Variants in UEVLD observed in about 807,000 individuals in gnomAD.
UEVLD encodes UEV and lactate/malate dehyrogenase domains.
In UEVLD, 47 loss-of-function variants were observed where a neutral mutation model predicts 58.6. The ratio of observed to expected loss-of-function variants is 0.80; its 90% confidence interval spans 0.63 to 1.02. UEVLD has a LOEUF of 1.02. UEVLD is among the 50% of genes least tolerant of loss of function. The pLI is 0.00. For synonymous variants in UEVLD, 197 were observed against 195.3 expected, an observed-to-expected ratio of 1.01 and a Z score of -0.07; for missense variants, 510 against 550.6, an observed-to-expected ratio of 0.93 and a Z score of 0.74.
At chr11:18,583,639 T>TATA (rs10638102) in intron 1 of UEVLD, among the ~76,000 whole-genome samples, 146,654 of 148,798 alleles carry the variant, frequency 0.99, 72,316 homozygotes, top group Middle Eastern at 1. Context: ...GAAGGAATCT[T>TATA]TATTAAGTCC....
chr11:18,557,522 A>G (rs1019550377), intron 7 of UEVLD, among the ~76,000 whole-genome samples: 1 of 151,666 alleles, frequency 6.6e-6, no homozygotes, highest in Non-Finnish European at 1.5e-5. Context: ...TTTTTAGTGC[A>G]ATGAATGTAA....
At position 18,529,969 on chromosome 11, in the gene UEVLD, A is replaced by G. The variant is rs1321348711; in HGVS notation, c.*2351T>C. The stretch of plus-strand genomic sequence containing the variant: ...CAAAGACTATTATTCATCTTCGAAT[A>G]GTCAAATTCTAACACAGTATTTGGA... On this transcript the variant is annotated 3_prime_UTR_variant, in exon 12 of 12. Coordinates refer to ENST00000396197, the MANE Select transcript of UEVLD (RefSeq NM_001040697.4). 1 of 152,258 alleles carries G rather than the reference A, an allele frequency of 6.6e-6. No individual in the cohort carries two copies. The highest frequency in any genetic ancestry group is 2.4e-5 in the African/African-American group (1 of 41,470). 9.4% of individuals were successfully genotyped at this position (152,258 alleles called of 1,614,324 possible).
chr11:18,554,380 C>T (rs923984854), intron 7 of UEVLD, among the ~76,000 whole-genome samples: 9 of 141,102 alleles, frequency 6.4e-5, no homozygotes, highest in African/African-American at 2.4e-4. Flanking sequence ...GCGTGAGCCA[C>T]TGTGCCTGGC....
intron 6 of UEVLD, among the ~76,000 whole-genome samples, chr11:18,561,512 G>A (rs1001331833): frequency 6.6e-6 from 1 of 151,452 alleles, no homozygotes; most frequent in Non-Finnish European, 1.5e-5. Context: ...TGGGAGAATC[G>A]CTTGAACCCG....
chr11:18,532,395 T>C lies in UEVLD; in HGVS notation c.1341A>G (p.Lys447=). ...GVSEVIKTTL[K]EDTVTEKLQS... is the part of the protein sequence containing the mutation. Reference sequence around the variant, plus strand: ...GGAGTTTCTCAGTAACTGTATCTTCTTTCAGTGTGGTTTTGATAACTTCAG... The same window carrying C: ...GGAGTTTCTCAGTAACTGTATCTTCCTTCAGTGTGGTTTTGATAACTTCAG... Residue 447 remains lysine, a synonymous_variant, in exon 12 of 12, where the codon AAA becomes AAG. Transcript: ENST00000396197. The C allele has an allele frequency of 6.2e-7, 1 of 1,612,236 alleles. No individual in the cohort carries two copies. The highest frequency in any genetic ancestry group is 8.5e-7 in the Non-Finnish European group (1 of 1,179,830).
chr11:18,570,551 G>C, intron 3 of UEVLD, 174 bp from the exon 4 acceptor site: 1 of 461,290 alleles, frequency 2.2e-6, no homozygotes, highest in South Asian at 5.1e-5. Context: ...TTTCAGACCA[G>C]CCTAGGCAAC....
rs911018616 is a variant in UEVLD, at chr11:18,566,453, T to C, written c.387A>G (p.Lys129=). 5.0e-6 allele frequency: 8 copies of C among 1,613,986 alleles called. No homozygotes were observed. In the Admixed American group the frequency reaches 6.7e-5, roughly 13 times the overall value. ...CCTCTTGAAACTTGGCAATCATTTC[T>C]TTAATTAATCCAACAATGACAGATT... is the stretch of plus-strand genomic sequence containing the variant. ...HPKSVIVGLI[K]EMIAKFQEEL... is the part of the protein sequence containing the mutation. The change falls in exon 5 of 12, where the codon AAA becomes AAG. Residue 129 remains lysine, a synonymous_variant. Coordinates refer to ENST00000396197, the MANE Select transcript of UEVLD (RefSeq NM_001040697.4).
chr11:18,578,491 C>A (rs931890281), intron 2 of UEVLD, among the ~76,000 whole-genome samples: 31 of 152,126 alleles, frequency 2.0e-4, no homozygotes, highest in African/African-American at 7.5e-4. Flanking sequence ...ACACAGTAAA[C>A]GTGTGTTTTT....
chr11:18,557,763 C>T (rs1851821939), intron 7 of UEVLD, among the ~76,000 whole-genome samples: 1 of 151,934 alleles, frequency 6.6e-6, no homozygotes, highest in South Asian at 2.1e-4. Context: ...TAGCACTTTG[C>T]TATATACCAA....
intron 7 of UEVLD, among the ~76,000 whole-genome samples, chr11:18,553,862 C>T (rs1404957128): frequency 2.0e-5 from 3 of 152,072 alleles, no homozygotes; most frequent in African/African-American, 7.2e-5. Context: ...GGAGTAACTG[C>T]TCAATGTGTA....
intron 2 of UEVLD, among the ~76,000 whole-genome samples, chr11:18,578,029 G>A (rs544074064): frequency 1.4e-4 from 22 of 152,258 alleles, no homozygotes; most frequent in Middle Eastern, 3.4e-3. Context: ...CTTTAAAGAT[G>A]TCCATATCTA....
Position 18,566,428 on chromosome 11 carries a change from C to T in UEVLD, c.412G>A (p.Glu138Lys). ...IKEMIAKFQEELPMYSLSSSD... is the reference protein window; with the variant it reads ...IKEMIAKFQEKLPMYSLSSSD... ...GATGATAGAGAATACATGGGAAGTT[C>T]CTCTTGAAACTTGGCAATCATTTCT... Residue 138 changes from glutamate to lysine, a missense_variant, in exon 5 of 12, where the codon GAA becomes AAA. Coordinates refer to ENST00000396197, the MANE Select transcript of UEVLD (RefSeq NM_001040697.4). 1 of 1,614,046 alleles carries T rather than the reference C, an allele frequency of 6.2e-7. No homozygotes were observed. The highest frequency in any genetic ancestry group is 8.5e-7 in the Non-Finnish European group (1 of 1,179,988).
rs1853675985 is a variant in UEVLD, at chr11:18,588,105, T to TAC, written c.42+506_42+507dup. Among the ~76,000 whole-genome samples, 4 of 152,076 alleles carry TAC rather than the reference T, an allele frequency of 2.6e-5. No homozygotes were observed. The South Asian group carries it at 8.3e-4, about 32-fold the overall frequency. On this transcript the variant is annotated intron_variant, in intron 1 of 11. Transcript: ENST00000396197. ...AAACATAGTGGCTAGAGGAAGGGAATACAAAAGCACAATGTCTGCAGTCAA... is the reference window on the plus strand; with the variant it reads ...AAACATAGTGGCTAGAGGAAGGGAATACACAAAAGCACAATGTCTGCAGTCAA...
intron 1 of UEVLD, among the ~76,000 whole-genome samples, chr11:18,586,361 C>T (rs964814023): frequency 2.0e-5 from 3 of 151,956 alleles, no homozygotes; most frequent in South Asian, 2.1e-4. Context: ...ATTACAGGAG[C>T]GGGCCACCAC....
intron 7 of UEVLD, 88 bp from the exon 8 acceptor site, chr11:18,547,138 A>C: frequency 7.2e-7 from 1 of 1,395,790 alleles, no homozygotes; most frequent in Non-Finnish European, 9.6e-7. Flanking sequence ...CTTTTCAACA[A>C]ATAAGAGAGC....
At chr11:18,577,997 T>C (rs1413344949) in intron 2 of UEVLD, among the ~76,000 whole-genome samples, 1 of 152,006 alleles carries the variant, frequency 6.6e-6, no homozygotes, top group Admixed American at 6.6e-5. Flanking sequence ...ACCATATACA[T>C]ATGATAGGCC....
intron 1 of UEVLD, among the ~76,000 whole-genome samples, chr11:18,586,326 T>G (rs1312218664): frequency 6.6e-6 from 1 of 152,204 alleles, no homozygotes; most frequent in South Asian, 2.1e-4. Context: ...GTGATTCTCC[T>G]GCTTCAGCCT....
rs559395922 is a variant in UEVLD at position 18,566,364 on chromosome 11, A to G, written c.476T>C (p.Ile159Thr). ...EARQVDLLAY[I>T]AKITEGVSDT... ...ATACAAACCTTCAGTGATTTTTGCAATATAGGCTAGCAAGTCTACCTGCCG... is the reference window on the plus strand; with the variant it reads ...ATACAAACCTTCAGTGATTTTTGCAGTATAGGCTAGCAAGTCTACCTGCCG... Residue 159 changes from isoleucine to threonine, a missense_variant, in exon 5 of 12, where the codon ATT becomes ACT. Transcript: ENST00000396197. 1 of 1,614,080 alleles carries G rather than the reference A, an allele frequency of 6.2e-7. No individual in the cohort carries two copies. Among genetic ancestry groups the G allele is most frequent in the East Asian group, 2.2e-5 (1 of 44,872 alleles).
intron 7 of UEVLD, among the ~76,000 whole-genome samples, chr11:18,547,509 G>C (rs1448151818): frequency 3.3e-5 from 5 of 152,176 alleles, no homozygotes; most frequent in African/African-American, 4.8e-5. Flanking sequence ...TCGTGACAGA[G>C]TGAGACTCTG....
Sources: allele counts gnomAD v4.1 joint callset (sites outside exome capture counted in the v4.1 genomes callset), GRCh38; gene constraint gnomAD v4.1.1; transcripts MANE v1.5; gene names NCBI Gene and HGNC (gene_info 2026-07-23, HGNC 2026-07-21).